The following MAML3 variants were observed in gnomAD, a reference collection of about 807,000 sequenced individuals.
MAML3 encodes the protein mastermind-like protein 3.
Under a neutral mutation model 101.9 loss-of-function variants are expected in MAML3, and 27 were observed. The observed-to-expected ratio is 0.27, with a 90% CI of 0.20 to 0.37. The LOEUF (loss-of-function observed/expected upper bound fraction) is 0.37, where lower values mean the gene tolerates loss of function less well. MAML3 is among the 10% of genes least tolerant of loss of function. The probability of loss-of-function intolerance (pLI) is 1.00; values close to 1 mark genes in which losing one functional copy is unlikely to be tolerated. For missense variants in MAML3, 1,316 were observed against 1,444.9 expected (o/e 0.91, Z 1.45); for synonymous variants, 501 against 555.9 (o/e 0.90, Z 1.39).
At chr4:139,795,985 T>C (rs1453103028) in intron 2 of MAML3, among the ~76,000 whole-genome samples, 2 of 152,200 alleles carry the variant, frequency 1.3e-5, no homozygotes, top group East Asian at 1.9e-4. Flanking sequence ...TATGTAATAA[T>C]TGAGGGCATT....
At chr4:139,992,093 T>C (rs527468173) in intron 1 of MAML3, among the ~76,000 whole-genome samples, 2 of 152,168 alleles carry the variant, frequency 1.3e-5, no homozygotes, top group South Asian at 2.1e-4. Flanking sequence ...TTTCACACAA[T>C]TGGAATCATA....
chr4:140,119,712 G>C (rs1227280038), intron 1 of MAML3, among the ~76,000 whole-genome samples: 1 of 149,128 alleles, frequency 6.7e-6, no homozygotes, highest in Non-Finnish European at 1.5e-5. Flanking sequence ...GCCTCCAACT[G>C]CTGGGCTCAA....
At chr4:139,825,781 T>G (rs6835168) in intron 2 of MAML3, among the ~76,000 whole-genome samples, 66,583 of 149,868 alleles carry the variant, frequency 0.44, 14,932 homozygotes, top group African/African-American at 0.5. Flanking sequence ...AAAAAAAAAG[T>G]TGCACGTTCT....
intron 1 of MAML3, among the ~76,000 whole-genome samples, chr4:140,035,165 G>A (rs1345862340): frequency 1.3e-5 from 2 of 152,018 alleles, no homozygotes; most frequent in Non-Finnish European, 2.9e-5. Flanking sequence ...GTTGAGACAG[G>A]GTTTCACCAT....
chr4:139,791,569 T>C (rs1730414649), intron 2 of MAML3, among the ~76,000 whole-genome samples: 1 of 150,144 alleles, frequency 6.7e-6, no homozygotes, highest in Non-Finnish European at 1.5e-5. Context: ...AGGTTATAAA[T>C]ATATTTCCTC....
intron 1 of MAML3, among the ~76,000 whole-genome samples, chr4:140,112,057 C>CT (rs1185777799): frequency 6.6e-6 from 1 of 152,094 alleles, no homozygotes; most frequent in African/African-American, 2.4e-5. Flanking sequence ...ATGCTATGTC[C>CT]TTTTTTATAC....
intron 1 of MAML3, among the ~76,000 whole-genome samples, chr4:139,938,256 T>C (rs1578607338): frequency 6.6e-6 from 1 of 152,330 alleles, no homozygotes; most frequent in African/African-American, 2.4e-5. Context: ...ACAGCAATGC[T>C]AAGCCCTGGG....
At chr4:139,884,375 A>G (rs1421764393) in intron 2 of MAML3, among the ~76,000 whole-genome samples, 3 of 152,248 alleles carry the variant, frequency 2.0e-5, no homozygotes, top group Non-Finnish European at 4.4e-5. Context: ...ACATATACTC[A>G]TTATGATGCA....
At chr4:140,044,622 C>A (rs188688626) in intron 1 of MAML3, among the ~76,000 whole-genome samples, 60 of 152,322 alleles carry the variant, frequency 3.9e-4, no homozygotes, top group African/African-American at 1.2e-3. Flanking sequence ...CATGTCCCTG[C>A]TTAGTGGATT....
chr4:139,890,530 A>T lies in MAML3; in HGVS notation c.906T>A (p.Ile302=). The change falls in exon 2 of 5, where the codon ATT becomes ATA. Residue 302 remains isoleucine (I), a synonymous_variant. Transcript: ENST00000509479. This position sits in a 1 kb window ranked among gnomAD's most constrained non-coding sequence, Gnocchi z 4.1. ...LSNQNKLFSD[I]NLNDQEWQEL... ...CTTGCCACTCCTGATCATTCAGATT[A>T]ATGTCTGAGAACAGCTTGTTCTGAT... 1 of 1,613,958 alleles carries T rather than the reference A, an allele frequency of 6.2e-7. No homozygotes were observed. The highest frequency in any genetic ancestry group is 1.6e-4 in the Middle Eastern group (1 of 6,062).
At chr4:139,998,738 G>A (rs1439925491) in intron 1 of MAML3, among the ~76,000 whole-genome samples, 1 of 152,030 alleles carries the variant, frequency 6.6e-6, no homozygotes, top group Non-Finnish European at 1.5e-5. Flanking sequence ...TGTTGCTTCT[G>A]TTTTTGTTTA....
intron 1 of MAML3, among the ~76,000 whole-genome samples, chr4:139,968,475 G>A (rs1055563278): frequency 2.0e-5 from 3 of 152,110 alleles, no homozygotes; most frequent in Admixed American, 2.0e-4. Context: ...CTTGGGTCAA[G>A]AATGTTACTA....
chr4:139,744,763 C>T (rs759130582), intron 2 of MAML3, among the ~76,000 whole-genome samples: 2 of 152,092 alleles, frequency 1.3e-5, no homozygotes, highest in African/African-American at 2.4e-5. Context: ...GTGCACTTCA[C>T]GGAAAAGCTC....
At chr4:139,931,553 T>C (rs918635278) in intron 1 of MAML3, among the ~76,000 whole-genome samples, 1 of 152,216 alleles carries the variant, frequency 6.6e-6, no homozygotes, top group African/African-American at 2.4e-5. Flanking sequence ...TTTTTTCTAC[T>C]ATAATAAAGT....
chr4:139,876,366 G>A (rs1732114657), intron 2 of MAML3, among the ~76,000 whole-genome samples: 1 of 152,200 alleles, frequency 6.6e-6, no homozygotes, highest in Non-Finnish European at 1.5e-5. Context: ...CTCTAAACCT[G>A]TCACTGCTTT....
intron 1 of MAML3, among the ~76,000 whole-genome samples, chr4:140,041,563 G>C (rs1211165804): frequency 1.3e-5 from 2 of 152,188 alleles, no homozygotes; most frequent in Non-Finnish European, 2.9e-5. Context: ...AGAGGTTGCA[G>C]TGAGCCGAGA....
chr4:139,776,648 A>AGCAG (rs1201573757), intron 2 of MAML3, among the ~76,000 whole-genome samples: 1 of 152,202 alleles, frequency 6.6e-6, no homozygotes, highest in Non-Finnish European at 1.5e-5. Context: ...ATACGCGCAA[A>AGCAG]ATGGTGCATT....
intron 1 of MAML3, among the ~76,000 whole-genome samples, chr4:140,011,233 C>CATATATATATATATATATAT (rs70943468): frequency 0.044 from 5,227 of 118,352 alleles, 237 homozygotes; most frequent in Non-Finnish European, 0.071. Flanking sequence ...ATAAAGTGTG[C>CATATATATATATATATATAT]ATATATATAT....
chr4:139,776,678 C>A (rs918451043), intron 2 of MAML3, among the ~76,000 whole-genome samples: 2 of 152,160 alleles, frequency 1.3e-5, no homozygotes, highest in African/African-American at 4.8e-5. Flanking sequence ...AAACAAAAGG[C>A]ACCAAAACTG....
Sources: allele counts gnomAD v4.1 joint callset (sites outside exome capture counted in the v4.1 genomes callset), GRCh38; gene constraint gnomAD v4.1.1; non-coding constraint Gnocchi (gnomAD v3.1); transcripts MANE v1.5; gene names NCBI Gene and HGNC (gene_info 2026-07-23, HGNC 2026-07-21).